Variants in PTPRR observed in about 807,000 individuals in gnomAD.
PTPRR encodes the protein protein tyrosine phosphatase receptor type R.
A neutral mutation model predicts 77.2 loss-of-function variants in PTPRR; 38 were observed. The ratio of observed to expected loss-of-function variants is 0.49; its 90% CI spans 0.38 to 0.65. The LOEUF is 0.65. Ranked by LOEUF, PTPRR falls within the 30% of genes least tolerant of loss-of-function variation. The probability of loss-of-function intolerance (pLI) is 0.00; values close to 1 mark genes in which losing one functional copy is unlikely to be tolerated. For synonymous variants in PTPRR, 299 were observed against 283.1 expected, an observed-to-expected ratio of 1.06 and a Z score of -0.57; for missense variants, 744 against 799.2, an observed-to-expected ratio of 0.93 and a Z score of 0.83.
chr12:70,847,418 C>T (rs980803938), intron 2 of PTPRR, among the ~76,000 whole-genome samples: 1 of 152,148 alleles, frequency 6.6e-6, no homozygotes, highest in Admixed American at 6.5e-5. Flanking sequence ...GTCTAGTTGG[C>T]TCTGATATTT....
intron 10 of PTPRR, chr12:70,671,856 G>A (rs1887238081): frequency 1.6e-6 from 1 of 609,676 alleles, no homozygotes; most frequent in African/African-American, 1.8e-5. Flanking sequence ...TGCTGTCCTT[G>A]ACCTCTGGCC....
At chr12:70,831,337 A>AT (rs1450062319) in intron 2 of PTPRR, among the ~76,000 whole-genome samples, 1 of 152,190 alleles carries the variant, frequency 6.6e-6, no homozygotes, top group African/African-American at 2.4e-5. Context: ...CTACTTCACT[A>AT]TTTTGAACCC....
intron 2 of PTPRR, among the ~76,000 whole-genome samples, chr12:70,842,250 T>C (rs1399446359): frequency 6.6e-6 from 1 of 152,216 alleles, no homozygotes; most frequent in African/African-American, 2.4e-5. Flanking sequence ...GTAGAATTAT[T>C]GAATTCCTCA....
chr12:70,643,320 T>TG (rs1886076634), intron 13 of PTPRR, among the ~76,000 whole-genome samples: 1 of 151,266 alleles, frequency 6.6e-6, no homozygotes, highest in Non-Finnish European at 1.5e-5. Flanking sequence ...TGTGTGTGTG[T>TG]TTTTTGTGTT....
intron 2 of PTPRR, among the ~76,000 whole-genome samples, chr12:70,888,407 A>C (rs1362217818): frequency 6.6e-6 from 1 of 152,072 alleles, no homozygotes; most frequent in East Asian, 1.9e-4. Flanking sequence ...ATGGACTCAG[A>C]TTGCTCTATG....
intron 8 of PTPRR, among the ~76,000 whole-genome samples, chr12:70,695,724 T>C (rs1037726536): frequency 2.6e-5 from 4 of 152,176 alleles, no homozygotes; most frequent in African/African-American, 9.7e-5. Flanking sequence ...TGGTATATTT[T>C]AGATAAAAAT....
chr12:70,733,574 G>A (rs1889762919), intron 6 of PTPRR, among the ~76,000 whole-genome samples: 1 of 151,966 alleles, frequency 6.6e-6, no homozygotes, highest in Non-Finnish European at 1.5e-5. Flanking sequence ...TCCACTAGAG[G>A]GAACTAATTC....
chr12:70,676,750 A>G (rs1257326545), intron 10 of PTPRR, among the ~76,000 whole-genome samples: 1 of 151,768 alleles, frequency 6.6e-6, no homozygotes, highest in African/African-American at 2.4e-5. Flanking sequence ...TCTATGTTCC[A>G]TATTCCATTC....
chr12:70,791,250 T>C (rs1891417257), intron 2 of PTPRR, among the ~76,000 whole-genome samples: 1 of 152,200 alleles, frequency 6.6e-6, no homozygotes, highest in African/African-American at 2.4e-5. Flanking sequence ...CTTCTTTGAC[T>C]TCCACTTCAT....
At chr12:70,906,428 G>A (rs1168915055) in intron 1 of PTPRR, among the ~76,000 whole-genome samples, 1 of 152,066 alleles carries the variant, frequency 6.6e-6, no homozygotes, top group Admixed American at 6.6e-5. Context: ...ACTCTGGGAT[G>A]TAAGGAGGCT....
At chr12:70,858,505 T>A (rs1467959679) in intron 2 of PTPRR, among the ~76,000 whole-genome samples, 1 of 152,056 alleles carries the variant, frequency 6.6e-6, no homozygotes, top group East Asian at 1.9e-4. Context: ...TTTATTCTGA[T>A]CCACCCAAGA....
intron 2 of PTPRR, among the ~76,000 whole-genome samples, chr12:70,809,166 T>TA (rs542179097): frequency 1.3e-5 from 2 of 152,184 alleles, no homozygotes; most frequent in African/African-American, 4.8e-5. Context: ...TGTTTCCTTA[T>TA]AAAAAAGACA....
At chr12:70,679,863 T>G (rs1887592195) in intron 10 of PTPRR, among the ~76,000 whole-genome samples, 1 of 152,196 alleles carries the variant, frequency 6.6e-6, no homozygotes, top group Non-Finnish European at 1.5e-5. Context: ...CTATATCTTT[T>G]AATTGGAAAA....
At chr12:70,748,918 G>A (rs1001819153) in intron 5 of PTPRR, among the ~76,000 whole-genome samples, 1 of 152,124 alleles carries the variant, frequency 6.6e-6, no homozygotes, top group African/African-American at 2.4e-5. Context: ...ACAGAACTCT[G>A]TCTTCTGGGA....
chr12:70,917,831 T>A (rs543222278), intron 1 of PTPRR, among the ~76,000 whole-genome samples: 43 of 152,200 alleles, frequency 2.8e-4, no homozygotes, highest in Non-Finnish European at 5.7e-4. Context: ...TTACATCCCG[T>A]TAGCACATTC....
chr12:70,675,994 G>A (rs541694304), intron 10 of PTPRR, among the ~76,000 whole-genome samples: 22 of 151,440 alleles, frequency 1.5e-4, no homozygotes, highest in African/African-American at 5.1e-4. Flanking sequence ...TACCTATTCA[G>A]CCTAGGATTT....
In PTPRR at chr12:70,639,008, T is replaced by A. The variant is rs145029505; in HGVS notation, c.*176A>T. 3 of 623,364 alleles carry A rather than the reference T, an allele frequency of 4.8e-6. No homozygotes were observed. The South Asian group carries it at 5.8e-5, about 12-fold the overall frequency. The allele number at this position is 623,364 out of a possible 1,614,324, so 38.6% of individuals were successfully genotyped here. ...TGGGGGATGCTTACAAATGCATTCA[T>A]ATACACAAGGAGCTGGAAATCTTAA... On this transcript the variant is annotated 3_prime_UTR_variant, in exon 14 of 14. Transcript: ENST00000283228.
At chr12:70,658,706 G>C (rs956528365) in intron 12 of PTPRR, among the ~76,000 whole-genome samples, 2 of 151,396 alleles carry the variant, frequency 1.3e-5, no homozygotes, top group African/African-American at 4.9e-5. Context: ...AAGGCTAAGT[G>C]GTTTGAAATA....
intron 4 of PTPRR, among the ~76,000 whole-genome samples, chr12:70,761,203 T>G (rs1312736273): frequency 6.6e-6 from 1 of 152,102 alleles, no homozygotes; most frequent in African/African-American, 2.4e-5. Flanking sequence ...TTCTAGAAAA[T>G]TTACTGGATA....
Sources: allele counts gnomAD v4.1 joint callset (sites outside exome capture counted in the v4.1 genomes callset), GRCh38; gene constraint gnomAD v4.1.1; transcripts MANE v1.5; gene names NCBI Gene and HGNC (gene_info 2026-07-23, HGNC 2026-07-21).